The following GCC2 variants were observed in gnomAD, a reference collection of about 807,000 sequenced individuals.
GCC2 encodes GRIP and coiled-coil domain-containing protein 2.
A neutral mutation model predicts 210.6 loss-of-function variants in GCC2; 120 were observed. The ratio of observed to expected loss-of-function variants is 0.57; its 90% CI spans 0.49 to 0.66. GCC2 has a LOEUF of 0.66. Ranked by LOEUF, GCC2 falls within the 30% of genes least tolerant of loss-of-function variation. The pLI is 0.00. For missense variants in GCC2, 1,868 were observed against 1,871.9 expected (o/e 1.00, Z 0.04); for synonymous variants, 703 against 652.7 (o/e 1.08, Z -1.17).
In GCC2 at chr2:108,471,799, G is replaced by C. The variant is rs1302288457; in HGVS notation, c.2470G>C (p.Val824Leu). The C allele has an allele frequency of 1.9e-6, 3 of 1,613,238 alleles. No homozygotes were observed. In the Admixed American group the frequency reaches 5.0e-5, roughly 27 times the overall value. ...EIKCLQEESV[V>L]QCEELKSLLR... ...TAAGTGCCTTCAAGAAGAGAGTGTA[G>C]TTCAGTGTGAAGAACTTAAGTCTTT... The change falls in exon 6 of 23, where the codon GTT becomes CTT. Residue 824 changes from valine (V) to leucine (L), a missense_variant. Physicochemically the swap from Val to Leu is conservative, Grantham distance 32. This residue lies in a region of GCC2 where 1,847 missense variants were observed against 1,765.2 expected (regional missense o/e 1.05). Transcript: ENST00000309863.
At chr2:108,474,252 TAGAG>T (rs941775280) in intron 7 of GCC2, among the ~76,000 whole-genome samples, 1 of 152,030 alleles carries the variant, frequency 6.6e-6, no homozygotes, top group Non-Finnish European at 1.5e-5. Context: ...CATGTAAACA[TAGAG>T]AAGATAGAGA....
chr2:108,500,798 A>C (rs143677129), intron 22 of GCC2, among the ~76,000 whole-genome samples: 3,937 of 152,238 alleles, frequency 0.026, 167 homozygotes, highest in African/African-American at 0.089. Context: ...TTTGGCGTAA[A>C]TAGGGGAGAG....
intron 4 of GCC2, among the ~76,000 whole-genome samples, chr2:108,465,038 A>G (rs1338431699): frequency 6.6e-6 from 1 of 152,192 alleles, no homozygotes; most frequent in Non-Finnish European, 1.5e-5. Flanking sequence ...ACTTTTCACC[A>G]AGGGAATGGC....
At chr2:108,469,416 C>A in intron 5 of GCC2, 1 of 447,300 alleles carries the variant, frequency 2.2e-6, no homozygotes, top group Non-Finnish European at 3.9e-6. Context: ...TATTTCTTGC[C>A]TATTAGGTCT....
intron 12 of GCC2, among the ~76,000 whole-genome samples, chr2:108,483,456 C>G (rs979779303): frequency 1.3e-5 from 2 of 151,972 alleles, no homozygotes; most frequent in South Asian, 2.1e-4. Context: ...AACTCCTGAC[C>G]TCAAATGATC....
intron 20 of GCC2, 62 bp from the exon 21 acceptor site, chr2:108,496,908 T>C (rs1196142702): frequency 1.3e-4 from 207 of 1,604,236 alleles, no homozygotes; most frequent in Non-Finnish European, 1.7e-4. Context: ...ATTTTTCTTA[T>C]TTAGAATCTT....
Position 108,459,701 on chromosome 2 carries a change from T to C in GCC2, c.216+7235T>C, listed in dbSNP as rs1237833932. Among the ~76,000 whole-genome samples the C allele has an allele frequency of 2.0e-5, 3 of 148,918 alleles. No individual in the cohort carries two copies. The East Asian group carries it at 6.3e-4, about 31-fold the overall frequency. ...ATATGTTTAGAATTGTTACATCTTT[T>C]TGCTGGTTTGATTCCTTTGCCATTA... On this transcript the variant is annotated intron_variant, in intron 4 of 22. Coordinates refer to ENST00000309863, the MANE Select transcript of GCC2 (RefSeq NM_181453.4).
intron 4 of GCC2, among the ~76,000 whole-genome samples, chr2:108,456,517 C>T (rs1680287557): frequency 6.6e-6 from 1 of 151,904 alleles, no homozygotes; most frequent in Admixed American, 6.6e-5. Context: ...TATTCATGTC[C>T]CTTGCCTATT....
At chr2:108,479,515 C>T (rs1376919520) in intron 9 of GCC2, among the ~76,000 whole-genome samples, 2 of 151,926 alleles carry the variant, frequency 1.3e-5, no homozygotes, top group African/African-American at 4.8e-5. Context: ...GTGGCACACA[C>T]CTATAGTCCC....
At chr2:108,483,755 C>T (rs542288051) in intron 12 of GCC2, among the ~76,000 whole-genome samples, 1 of 152,042 alleles carries the variant, frequency 6.6e-6, no homozygotes, top group Non-Finnish European at 1.5e-5. Flanking sequence ...TAATTAATGT[C>T]AAAGCTTGAA....
chr2:108,456,152 T>G (rs1002813362), intron 4 of GCC2, among the ~76,000 whole-genome samples: 1 of 152,036 alleles, frequency 6.6e-6, no homozygotes, highest in East Asian at 1.9e-4. Flanking sequence ...GCCTGGCTAA[T>G]TTTTTGTATT....
At chr2:108,503,732 C>T (rs3954192) in intron 22 of GCC2, among the ~76,000 whole-genome samples, 5 of 152,268 alleles carry the variant, frequency 3.3e-5, no homozygotes, top group South Asian at 2.1e-4. Context: ...AAGTTTATAA[C>T]AGTATTTTTC....
chr2:108,481,571 G>A (rs951148355), intron 9 of GCC2, 126 bp from the exon 10 acceptor site: 2 of 632,508 alleles, frequency 3.2e-6, no homozygotes, highest in African/African-American at 3.7e-5. Flanking sequence ...TAGGTATTCT[G>A]TTCAACTTGG....
chr2:108,493,188 C>T, intron 19 of GCC2: 2 of 255,342 alleles, frequency 7.8e-6, no homozygotes, highest in African/African-American at 2.2e-5. Flanking sequence ...CTCCCGAGTT[C>T]AGGCCATTTT....
intron 9 of GCC2, among the ~76,000 whole-genome samples, chr2:108,477,541 A>G (rs1181731501): frequency 1.3e-5 from 2 of 152,216 alleles, no homozygotes; most frequent in Non-Finnish European, 2.9e-5. Context: ...TGTTTCACCA[A>G]CTAAGCTATA....
intron 7 of GCC2, among the ~76,000 whole-genome samples, chr2:108,473,560 A>G (rs916844997): frequency 6.6e-6 from 1 of 152,142 alleles, no homozygotes; most frequent in African/African-American, 2.4e-5. Flanking sequence ...CCTCACAGTA[A>G]CATTATAGGA....
In GCC2 at chr2:108,483,073, T is replaced by G; in HGVS notation, c.3357T>G (p.Thr1119=). 1.3e-6 allele frequency: 2 copies of G among 1,545,568 alleles called. No individual in the cohort carries two copies. Among genetic ancestry groups the G allele is most frequent in the Non-Finnish European group, 1.8e-6 (2 of 1,118,080 alleles). ...ATTTTTAATTTCAGGAACATGCCAC[T>G]ACTGTAAATGAACTTGAAGAACTTC... The part of the protein sequence containing the change: ...QKEQKIKEHA[T]TVNELEELQV... The change falls in exon 12 of 23, where the codon ACT becomes ACG. Residue 1119 remains threonine, a synonymous_variant. Transcript: ENST00000309863.
At chr2:108,474,784 A>AAT (rs1371580335) in intron 7 of GCC2, 2 of 152,194 alleles carry the variant, frequency 1.3e-5, no homozygotes, top group East Asian at 3.8e-4. Flanking sequence ...ATGTTTATAA[A>AAT]ATAGGAAAAA....
Position 108,471,093 on chromosome 2 carries a change from G to C in GCC2, c.1764G>C (p.Lys588Asn), listed in dbSNP as rs1402462037. The C allele has an allele frequency of 1.3e-6, 2 of 1,582,124 alleles. No individual in the cohort carries two copies. The highest frequency in any genetic ancestry group is 1.7e-6 in the Non-Finnish European group (2 of 1,154,922). The part of the protein sequence containing the change: ...RDTMLKELEG[K>N]INSLTEEKDD... ...CCATGTTAAAAGAATTAGAAGGAAAGATAAATTCTCTTACTGAGGAAAAAG... is the reference window on the plus strand; with the variant it reads ...CCATGTTAAAAGAATTAGAAGGAAACATAAATTCTCTTACTGAGGAAAAAG... The change falls in exon 6 of 23, where the codon AAG becomes AAC. Residue 588 changes from lysine (K) to asparagine (N), a missense_variant. Around this residue, in one of 3 missense-constraint regions of GCC2, gnomAD observed 1,847 missense variants for 1,765.2 expected, o/e 1.05. Transcript: ENST00000309863.
Sources: gnomAD v4.1 joint callset for allele counts (sites outside exome capture counted in the v4.1 genomes callset) on GRCh38, gnomAD v4.1.1 for gene constraint, gnomAD v4.1.1 regional missense constraint, MANE v1.5 for transcripts, NCBI Gene and HGNC (gene_info 2026-07-23, HGNC 2026-07-21) for gene names.